The following NHSL2 variants were observed in gnomAD, a reference collection of about 807,000 sequenced individuals.
NHSL2 encodes NHS like 2.
A neutral mutation model predicts 53.4 loss-of-function variants in NHSL2; 27 were observed. The ratio of observed to expected loss-of-function variants is 0.51; its 90% confidence interval spans 0.37 to 0.70. The LOEUF (loss-of-function observed/expected upper bound fraction) is 0.70, where lower values mean the gene tolerates loss of function less well. Ranked by LOEUF, NHSL2 falls within the 30% of genes least tolerant of loss-of-function variation. The pLI, the probability that NHSL2 is intolerant of heterozygous loss-of-function variation, is 0.00. For synonymous variants in NHSL2, 408 were observed against 404.1 expected, an observed-to-expected ratio of 1.01 and a Z score of -0.12; for missense variants, 892 against 980.1, an observed-to-expected ratio of 0.91 and a Z score of 1.20.
At chrX:72,083,399 C>A (rs2041809169) in intron 1 of NHSL2, among the ~76,000 whole-genome samples, 3 of 112,897 alleles carry the variant, frequency 2.7e-5, no homozygotes, top group Admixed American at 9.3e-5. Flanking sequence ...GAAAATGATT[C>A]TCTTTTCCTT....
At chrX:72,049,550 C>A (rs1209697024) in intron 1 of NHSL2, among the ~76,000 whole-genome samples, 1 of 109,396 alleles carries the variant, frequency 9.1e-6, no homozygotes, top group African/African-American at 3.3e-5. Context: ...TTTTGCTTCC[C>A]CAAACCCCCT....
chrX:71,953,665 C>T (rs2041830450), intron 1 of NHSL2, among the ~76,000 whole-genome samples: 1 of 111,378 alleles, frequency 9.0e-6, no homozygotes, highest in Non-Finnish European at 1.9e-5. Context: ...CTTTCCCTTT[C>T]TGGATCTCTG....
At chrX:72,053,116 A>G (rs1460330845) in intron 1 of NHSL2, among the ~76,000 whole-genome samples, 1 of 112,471 alleles carries the variant, frequency 8.9e-6, no homozygotes, top group African/African-American at 3.2e-5. Flanking sequence ...TGAGAAGAAC[A>G]TAATGACCAG....
chrX:72,135,679 C>T (rs951990771), intron 4 of NHSL2, among the ~76,000 whole-genome samples: 1 of 111,889 alleles, frequency 8.9e-6, no homozygotes, highest in African/African-American at 3.3e-5. Context: ...GGGAAATATA[C>T]CAAAAGGAGT....
intron 1 of NHSL2, among the ~76,000 whole-genome samples, chrX:72,050,088 G>A (rs1053310278): frequency 1.8e-5 from 2 of 108,806 alleles, no homozygotes; most frequent in Non-Finnish European, 3.8e-5. Context: ...AGAAGGCCTC[G>A]TGGTACTTAG....
Position 72,147,222 on chromosome X carries a change from T to C in NHSL2, c.*3648T>C, listed in dbSNP as rs2042471102. On this transcript the variant is annotated 3_prime_UTR_variant, in exon 8 of 8. Coordinates refer to ENST00000633930, the MANE Select transcript of NHSL2 (RefSeq NM_001013627.3). ...TCCTCACTCGTTCCACCTTCCATTATCAAGTCTGTGACACAATGGTGAGCT... is the reference window on the plus strand; with the variant it reads ...TCCTCACTCGTTCCACCTTCCATTACCAAGTCTGTGACACAATGGTGAGCT... 1 of 112,197 alleles carries C rather than the reference T, an allele frequency of 8.9e-6. No homozygotes were observed. The highest frequency in any genetic ancestry group is 1.9e-5 in the Non-Finnish European group (1 of 53,244). The allele number at this position is 112,197 out of a possible 1,213,427, so 9.2% of individuals were successfully genotyped here. A position where few individuals can be genotyped will look rare whatever the true frequency, so the allele number is the denominator to read the frequency against.
Position 72,145,456 on chromosome X carries a change from C to T in NHSL2, c.*1882C>T, listed in dbSNP as rs2042457138. ...CACTTAAAATAATAAAACAGCTAGG[C>T]TCAGTTGCTTTTGAAAGTACTAGAA... On this transcript the variant is annotated 3_prime_UTR_variant, in exon 8 of 8. Transcript: ENST00000633930. The T allele has an allele frequency of 8.9e-6, 1 of 112,577 alleles. No individual in the cohort carries two copies. Among genetic ancestry groups the T allele is most frequent in the African/African-American group, 3.2e-5 (1 of 30,959 alleles). The allele number at this position is 112,577 out of a possible 1,213,427, so 9.3% of individuals were successfully genotyped here.
intron 1 of NHSL2, among the ~76,000 whole-genome samples, chrX:72,049,916 T>C (rs972590876): frequency 9.8e-6 from 1 of 101,917 alleles, no homozygotes; most frequent in Non-Finnish European, 2.0e-5. Context: ...AAGGCTTTGG[T>C]GACACAACAA....
At chrX:72,054,406 G>A (rs908539173) in intron 1 of NHSL2, among the ~76,000 whole-genome samples, 1 of 111,521 alleles carries the variant, frequency 9.0e-6, no homozygotes, top group Non-Finnish European at 1.9e-5. Flanking sequence ...GCATTCTGTC[G>A]TTCTTAATAG....
chrX:71,958,624 G>A (rs1462013089), intron 1 of NHSL2, among the ~76,000 whole-genome samples: 1 of 111,461 alleles, frequency 9.0e-6, no homozygotes, highest in Admixed American at 9.5e-5. Context: ...GACATTCCTG[G>A]GTGTGCTATA....
Position 72,143,327 on chromosome X carries a change from C to T in NHSL2, c.3431C>T (p.Pro1144Leu). ...FVGGRTSSHS[P>L]IKNTAESPIS... The stretch of plus-strand genomic sequence containing the variant: ...GGTGGCAGAACGAGTTCCCACTCAC[C>T]AATAAAGAACACAGCTGAGTCTCCA... The change falls in exon 8 of 8, where the codon CCA becomes CTA. Residue 1144 changes from proline (P) to leucine (L), a missense_variant. By Grantham distance (98) the Pro-to-Leu change is moderately conservative. Transcript: ENST00000633930. 1 of 1,166,229 alleles carries T rather than the reference C, an allele frequency of 8.6e-7. No individual in the cohort carries two copies.
intron 1 of NHSL2, among the ~76,000 whole-genome samples, chrX:71,961,397 T>A (rs956922270): frequency 2.8e-5 from 3 of 108,152 alleles, no homozygotes; most frequent in Admixed American, 9.9e-5. Flanking sequence ...TTCTGTACTT[T>A]CTTCCTCCCT....
intron 1 of NHSL2, among the ~76,000 whole-genome samples, chrX:72,098,452 G>A (rs2041961455): frequency 9.1e-6 from 1 of 110,099 alleles, no homozygotes; most frequent in East Asian, 2.8e-4. Flanking sequence ...GTGGTGGCGG[G>A]CGCCTGTAGT....
rs1197544773 is a variant in NHSL2 at position 72,153,011 on chromosome X, G to A, written c.*9437G>A. 1 of 112,130 alleles carries A rather than the reference G, an allele frequency of 8.9e-6. No individual in the cohort carries two copies. Among genetic ancestry groups the A allele is most frequent in the Admixed American group, 9.4e-5 (1 of 10,615 alleles). The allele number at this position is 112,130 out of a possible 1,213,427, so 9.2% of individuals were successfully genotyped here. On this transcript the variant is annotated 3_prime_UTR_variant, in exon 8 of 8. Coordinates refer to ENST00000633930, the MANE Select transcript of NHSL2 (RefSeq NM_001013627.3). ...TACAGACCATACCCTAAACTGGAAG[G>A]TACAGGAAAGACACATCTCCTAGAG...
At position 72,147,250 on chromosome X, in the gene NHSL2, C is replaced by A. The variant is rs778631463; in HGVS notation, c.*3676C>A. The A allele has an allele frequency of 3.6e-5, 4 of 112,298 alleles. No homozygotes were observed. The highest frequency in any genetic ancestry group is 1.3e-4 in the African/African-American group (4 of 30,856). 9.3% of individuals were successfully genotyped at this position (112,298 alleles called of 1,213,427 possible). ...AGTCTGTGACACAATGGTGAGCTTT[C>A]GCTTTAATATGATTTGCTAGGGCCA... On this transcript the variant is annotated 3_prime_UTR_variant, in exon 8 of 8. Coordinates refer to ENST00000633930, the MANE Select transcript of NHSL2 (RefSeq NM_001013627.3).
chrX:72,129,798 G>C, intron 1 of NHSL2: 1 of 1,153,996 alleles, frequency 8.7e-7, no homozygotes, highest in South Asian at 2.0e-5. Context: ...GCAAAAGAAG[G>C]GTGTGTTCTG....
chrX:71,948,972 G>A (rs1387931234), intron 1 of NHSL2, among the ~76,000 whole-genome samples: 1 of 106,762 alleles, frequency 9.4e-6, no homozygotes, highest in Non-Finnish European at 1.9e-5. Flanking sequence ...TGCCCAGGCT[G>A]GTCTCAAATT....
intron 2 of NHSL2, 108 bp downstream of exon 2, chrX:72,132,342 A>T: frequency 1.4e-6 from 1 of 727,613 alleles, no homozygotes; most frequent in Non-Finnish European, 2.0e-6. Context: ...AAAGACAGAG[A>T]GTTTAAAAAC....
At chrX:72,075,669 C>T (rs1041574699) in intron 1 of NHSL2, among the ~76,000 whole-genome samples, 4 of 111,853 alleles carry the variant, frequency 3.6e-5, no homozygotes, top group African/African-American at 9.8e-5. Flanking sequence ...CTAAGCTCAT[C>T]GAGCCTCCTT....
Sources: gnomAD v4.1 joint callset for allele counts (sites outside exome capture counted in the v4.1 genomes callset) on GRCh38, gnomAD v4.1.1 for gene constraint, MANE v1.5 for transcripts, NCBI Gene and HGNC (gene_info 2026-07-23, HGNC 2026-07-21) for gene names.